Variants in SKP1 observed in about 807,000 individuals in gnomAD.
The protein encoded by SKP1 is S-phase kinase-associated protein 1.
SKP1 carries 1 observed loss-of-function variant against 21.5 expected under a neutral mutation model. The observed-to-expected ratio is 0.05, with a 90% CI of 0.02 to 0.22. SKP1 has a LOEUF of 0.22. Among genes scored for constraint, SKP1 ranks in the 10% least tolerant of loss-of-function variants. The probability of loss-of-function intolerance (pLI) is 1.00; values close to 1 mark genes in which losing one functional copy is unlikely to be tolerated. For synonymous variants in SKP1, 59 were observed against 59.3 expected, an observed-to-expected ratio of 0.99 and a Z score of 0.03; for missense variants, 70 against 192.0, an observed-to-expected ratio of 0.36 and a Z score of 3.76.
At chr5:134,157,927 T>C in intron 5 of SKP1, 159 bp from the exon 6 acceptor site, 1 of 1,541,598 alleles carries the variant, frequency 6.5e-7, no homozygotes. Flanking sequence ...CCGGATTTCC[T>C]TTCTTTGCCT....
Position 134,150,606 on chromosome 5 carries a change from C to T in SKP1, c.*7127G>A, listed in dbSNP as rs1049330172. ...GAGGTTCTTTGAGAGTCCTTAACTG[C>T]GACTCTCAGATCTCTTCAGAGCATT... On this transcript the variant is annotated 3_prime_UTR_variant, in exon 6 of 6. Coordinates refer to ENST00000353411, the MANE Select transcript of SKP1 (RefSeq NM_170679.3). The T allele has an allele frequency of 3.3e-5, 5 of 152,168 alleles. No homozygotes were observed. Among genetic ancestry groups the T allele is most frequent in the East Asian group, 1.9e-4 (1 of 5,194 alleles). 9.4% of individuals were successfully genotyped at this position (152,168 alleles called of 1,614,324 possible).
chr5:134,169,857 C>T (rs1050558477), intron 2 of SKP1, among the ~76,000 whole-genome samples: 4 of 152,028 alleles, frequency 2.6e-5, no homozygotes, highest in Admixed American at 6.6e-5. Flanking sequence ...AAAAACTAGC[C>T]GGGTGTGGTG....
intron 3 of SKP1, among the ~76,000 whole-genome samples, chr5:134,164,778 T>C (rs533020839): frequency 6.6e-6 from 1 of 152,294 alleles, no homozygotes; most frequent in East Asian, 1.9e-4. Context: ...TAAAGAGTTC[T>C]TATAAAAAGC....
intron 1 of SKP1, chr5:134,174,617 CT>C: frequency 6.6e-6 from 2 of 301,664 alleles, no homozygotes; most frequent in Non-Finnish European, 9.8e-6. Context: ...TTTCAGAGCC[CT>C]TTTTATCTTT....
rs749451045 is a variant in SKP1, at chr5:134,161,065, T to C, written c.237A>G (p.Glu79=). 6.2e-7 allele frequency: 1 copy of C among 1,613,676 alleles called. No individual in the cohort carries two copies. The highest frequency in any genetic ancestry group is 1.1e-5 in the South Asian group (1 of 91,066). The change falls in exon 4 of 6, where the codon GAA becomes GAG. Residue 79 remains glutamate (E), a synonymous_variant. Transcript: ENST00000353411. ...AAACAGGGATATCATCTGTTCGCTTTTCTTTGTTCTCATCATCTTCAGGAG... is the reference window on the plus strand; with the variant it reads ...AAACAGGGATATCATCTGTTCGCTTCTCTTTGTTCTCATCATCTTCAGGAG... ...PPPPEDDENK[E]KRTDDIPVWD...
intron 4 of SKP1, among the ~76,000 whole-genome samples, chr5:134,159,008 GT>G (rs1168222401): frequency 6.6e-6 from 1 of 152,134 alleles, no homozygotes; most frequent in Non-Finnish European, 1.5e-5. Flanking sequence ...TTGTTTACCT[GT>G]TTTCTATTTC....
At chr5:134,170,173 A>T (rs1561722585) in intron 2 of SKP1, among the ~76,000 whole-genome samples, 1 of 152,024 alleles carries the variant, frequency 6.6e-6, no homozygotes, top group East Asian at 1.9e-4. Flanking sequence ...TCCATCTCAA[A>T]AAAATAAAAT....
intron 3 of SKP1, 30 bp downstream of exon 3, chr5:134,167,140 G>C: frequency 8.3e-7 from 1 of 1,197,892 alleles, no homozygotes; most frequent in Non-Finnish European, 1.2e-6. Flanking sequence ...ATATTAAGCA[G>C]AATAAACTTA....
chr5:134,149,238 C>T lies in SKP1; in HGVS notation c.*8495G>A, dbSNP rs1419244223. 5 of 152,194 alleles carry T rather than the reference C, an allele frequency of 3.3e-5. No homozygotes were observed. The highest frequency in any genetic ancestry group is 5.9e-5 in the Non-Finnish European group (4 of 68,056). The allele number at this position is 152,194 out of a possible 1,614,324, so 9.4% of individuals were successfully genotyped here. On this transcript the variant is annotated 3_prime_UTR_variant, in exon 6 of 6. Transcript: ENST00000353411. ...TTCATACCTCATCCCCCTTTCATCT[C>T]CCACCTTTTGAAGTCTCCAATGTCT...
In SKP1 at chr5:134,151,756, A is replaced by G. The variant is rs1298435241; in HGVS notation, c.*5977T>C. On this transcript the variant is annotated 3_prime_UTR_variant, in exon 6 of 6. Transcript: ENST00000353411. Reference sequence around the variant, plus strand: ...CATTCCTCCCATAGAATGCTGCTCAATACTGGCACACAGACCAGAGGTAGC... The same window carrying G: ...CATTCCTCCCATAGAATGCTGCTCAGTACTGGCACACAGACCAGAGGTAGC... 2 of 453,966 alleles carry G rather than the reference A, an allele frequency of 4.4e-6. No individual in the cohort carries two copies. 28.1% of individuals were successfully genotyped at this position (453,966 alleles called of 1,614,324 possible).
At chr5:134,159,110 C>T (rs1296588506) in intron 4 of SKP1, among the ~76,000 whole-genome samples, 4 of 152,084 alleles carry the variant, frequency 2.6e-5, no homozygotes, top group Admixed American at 1.3e-4. Context: ...CTTAGATCAC[C>T]GATTTGAAAC....
Position 134,154,165 on chromosome 5 carries a change from G to C in SKP1, c.*3568C>G, listed in dbSNP as rs1199483017. 1 of 152,110 alleles carries C rather than the reference G, an allele frequency of 6.6e-6. No homozygotes were observed. The highest frequency in any genetic ancestry group is 1.5e-5 in the Non-Finnish European group (1 of 68,012). The allele number at this position is 152,110 out of a possible 1,614,324, so 9.4% of individuals were successfully genotyped here. ...TGCTTCTACAACTTAAGAATTATTA[G>C]GGCCGTGTGCGGTGGGTCACACGTG... On this transcript the variant is annotated 3_prime_UTR_variant, in exon 6 of 6. Transcript: ENST00000353411.
intron 2 of SKP1, 105 bp downstream of exon 2, chr5:134,173,821 T>C (rs1167940355): frequency 4.0e-6 from 3 of 757,430 alleles, no homozygotes; most frequent in Non-Finnish European, 7.3e-6. Context: ...TACCTCTTCA[T>C]ACTCTCAAGC....
In SKP1 at chr5:134,151,714, A is replaced by G. The variant is rs1156455397; in HGVS notation, c.*6019T>C. ...AAGAACTACAGATGTGGAAGCAGAC[A>G]CTGTTATGAGCAACTACATTCCTCC... On this transcript the variant is annotated 3_prime_UTR_variant, in exon 6 of 6. Transcript: ENST00000353411. 2.2e-6 allele frequency: 1 copy of G among 456,248 alleles called. No individual in the cohort carries two copies. The highest frequency in any genetic ancestry group is 4.4e-6 in the Non-Finnish European group (1 of 226,914). 28.3% of individuals were successfully genotyped at this position (456,248 alleles called of 1,614,324 possible).
rs1260397085 is a variant in SKP1 at position 134,156,522 on chromosome 5, G to C, written c.*1211C>G. 6.6e-6 allele frequency: 1 copy of C among 151,808 alleles called. No homozygotes were observed. Among genetic ancestry groups the C allele is most frequent in the Non-Finnish European group, 1.5e-5 (1 of 67,990 alleles). 9.4% of individuals were successfully genotyped at this position (151,808 alleles called of 1,614,324 possible). ...CTCAGTGAATGTGAAGAGAAAACAA[G>C]ATTACATGTGAATATAGATGTTAAC... On this transcript the variant is annotated 3_prime_UTR_variant, in exon 6 of 6. Transcript: ENST00000353411.
Position 134,161,041 on chromosome 5 carries a change from A to T in SKP1, c.261T>A (p.Val87=). The stretch of plus-strand genomic sequence containing the variant: ...CAACTTTCAGGAATTCTTGGTCCCA[A>T]ACAGGGATATCATCTGTTCGCTTTT... The part of the protein sequence containing the change: ...NKEKRTDDIP[V]WDQEFLKVDQ... Residue 87 remains valine (V), a synonymous_variant, in exon 4 of 6, where the codon GTT becomes GTA. Coordinates refer to ENST00000353411, the MANE Select transcript of SKP1 (RefSeq NM_170679.3). 6.2e-7 allele frequency: 1 copy of T among 1,613,234 alleles called. No individual in the cohort carries two copies. The highest frequency in any genetic ancestry group is 8.5e-7 in the Non-Finnish European group (1 of 1,179,672).
chr5:134,157,670 A>C lies in SKP1; in HGVS notation c.*63T>G, dbSNP rs1456393569. The C allele has an allele frequency of 1.6e-6, 2 of 1,271,656 alleles. No homozygotes were observed. Among genetic ancestry groups the C allele is most frequent in the African/African-American group, 2.9e-5 (2 of 68,296 alleles). The allele number at this position is 1,271,656 out of a possible 1,614,324, so 78.8% of individuals were successfully genotyped here. ...GTTTGTCTAATATTAACAATTATAAACAGAGCAGTGCAACTAGTATTTGGA... is the reference window on the plus strand; with the variant it reads ...GTTTGTCTAATATTAACAATTATAACCAGAGCAGTGCAACTAGTATTTGGA... On this transcript the variant is annotated 3_prime_UTR_variant, in exon 6 of 6. Transcript: ENST00000353411.
rs1319964859 is a variant in SKP1 at position 134,161,088 on chromosome 5, G to A, written c.214C>T (p.Pro72Ser). 6.2e-7 allele frequency: 1 copy of A among 1,613,118 alleles called. No individual in the cohort carries two copies. Among genetic ancestry groups the A allele is most frequent in the East Asian group, 2.2e-5 (1 of 44,866 alleles). The change falls in exon 4 of 6, where the codon CCT becomes TCT. Residue 72 changes from proline to serine, a missense_variant. Coordinates refer to ENST00000353411, the MANE Select transcript of SKP1 (RefSeq NM_170679.3). ...TTTTCTTTGTTCTCATCATCTTCAG[G>A]AGGAGGAGGGTCATCCTTGTGGTGG... ...CTHHKDDPPPPEDDENKEKRT... is the reference protein window; with the variant it reads ...CTHHKDDPPPSEDDENKEKRT...
At chr5:134,166,580 C>CAAAAAA (rs36106913) in intron 3 of SKP1, among the ~76,000 whole-genome samples, 3 of 52,534 alleles carry the variant, frequency 5.7e-5, no homozygotes, top group Non-Finnish European at 9.3e-5. Context: ...ACTCTGGTCT[C>CAAAAAA]AAAAAAAAAA....
Sources: allele counts gnomAD v4.1 joint callset (sites outside exome capture counted in the v4.1 genomes callset), GRCh38; gene constraint gnomAD v4.1.1; transcripts MANE v1.5; gene names NCBI Gene and HGNC (gene_info 2026-07-23, HGNC 2026-07-21).